Variants in CMTM8 observed in about 807,000 individuals in gnomAD.
The protein encoded by CMTM8 is CKLF like MARVEL transmembrane domain containing 8, also known as CKLF-like MARVEL transmembrane domain-containing protein 8.
In CMTM8, 12 loss-of-function variants were observed where a neutral mutation model predicts 18.6. The observed-to-expected ratio is 0.65, with a 90% CI of 0.41 to 1.05. The LOEUF is 1.05. Ranked by LOEUF, CMTM8 falls within the 50% of genes least tolerant of loss-of-function variation. The pLI, the probability that CMTM8 is intolerant of heterozygous loss-of-function variation, is 0.00. For synonymous variants in CMTM8, 87 were observed against 90.6 expected (o/e 0.96, Z 0.23); for missense variants, 217 against 227.2 (o/e 0.95, Z 0.29).
At chr3:32,262,529 C>T (rs1325793503) in intron 1 of CMTM8, among the ~76,000 whole-genome samples, 1 of 152,212 alleles carries the variant, frequency 6.6e-6, no homozygotes, top group Non-Finnish European at 1.5e-5. Flanking sequence ...GGAAGGCCAT[C>T]TGTGATTTGT....
rs140790714 is a variant in CMTM8, at chr3:32,367,417, T to A, written c.322-455T>A. Among the ~76,000 whole-genome samples the A allele has an allele frequency of 3.0e-3, 450 of 151,488 alleles. 9 individuals carry two copies. Among genetic ancestry groups the A allele is most frequent in the Admixed American group, 0.017 (261 of 15,214 alleles). ...ATCCCTCCCTGTTTGGAATGGGGGG[T>A]TAGGGAATCAGCTGGGCCTGTTTTG... On this transcript the variant is annotated intron_variant, in intron 2 of 3. Transcript: ENST00000307526.
chr3:32,282,814 G>A (rs1225897054), intron 1 of CMTM8, among the ~76,000 whole-genome samples: 1 of 152,102 alleles, frequency 6.6e-6, no homozygotes, highest in African/African-American at 2.4e-5. Flanking sequence ...TGGCCCCCTT[G>A]CTGCTTTTGT....
At chr3:32,306,517 T>C (rs1252014259) in intron 1 of CMTM8, among the ~76,000 whole-genome samples, 1 of 152,200 alleles carries the variant, frequency 6.6e-6, no homozygotes, top group African/African-American at 2.4e-5. Flanking sequence ...CTTTTGCCTA[T>C]TCACTCTTCC....
At chr3:32,289,989 G>A (rs1702752598) in intron 1 of CMTM8, among the ~76,000 whole-genome samples, 1 of 152,160 alleles carries the variant, frequency 6.6e-6, no homozygotes, top group Non-Finnish European at 1.5e-5. Flanking sequence ...AAATTAGCCA[G>A]GTGTAGTGGT....
At chr3:32,296,383 G>T (rs1208139973) in intron 1 of CMTM8, among the ~76,000 whole-genome samples, 1 of 152,304 alleles carries the variant, frequency 6.6e-6, no homozygotes, top group South Asian at 2.1e-4. Flanking sequence ...GTATGTATCT[G>T]CAATGAGTAC....
chr3:32,278,175 CA>C (rs1358526094), intron 1 of CMTM8, among the ~76,000 whole-genome samples: 2 of 152,184 alleles, frequency 1.3e-5, no homozygotes, highest in African/African-American at 4.8e-5. Context: ...CTTCAAGATC[CA>C]ACCTGGAAGT....
intron 1 of CMTM8, among the ~76,000 whole-genome samples, chr3:32,242,966 C>T (rs536514720): frequency 6.6e-6 from 1 of 151,942 alleles, no homozygotes; most frequent in South Asian, 2.1e-4. Flanking sequence ...AATCCCAGCT[C>T]ACTGCAACCT....
At chr3:32,326,169 C>T (rs1416185288) in intron 1 of CMTM8, among the ~76,000 whole-genome samples, 5 of 152,316 alleles carry the variant, frequency 3.3e-5, no homozygotes, top group Admixed American at 6.5e-5. Context: ...CCTGCTGACT[C>T]GTCACACTCG....
At chr3:32,284,991 G>A (rs113200933) in intron 1 of CMTM8, among the ~76,000 whole-genome samples, 99 of 152,292 alleles carry the variant, frequency 6.5e-4, no homozygotes, top group African/African-American at 2.4e-3. Context: ...TGCAGAGTCT[G>A]AGAGGCCCCA....
intron 1 of CMTM8, among the ~76,000 whole-genome samples, chr3:32,277,814 A>G (rs958416112): frequency 2.0e-5 from 3 of 152,144 alleles, no homozygotes; most frequent in Non-Finnish European, 4.4e-5. Context: ...AAATTGGACA[A>G]ATGCACAATA....
At chr3:32,345,525 A>G (rs1480098510) in intron 1 of CMTM8, among the ~76,000 whole-genome samples, 2 of 152,322 alleles carry the variant, frequency 1.3e-5, no homozygotes, top group East Asian at 3.9e-4. Context: ...TACTGTATTT[A>G]ATTTTGAAAA....
chr3:32,313,716 C>A (rs1410985600), intron 1 of CMTM8, among the ~76,000 whole-genome samples: 1 of 152,132 alleles, frequency 6.6e-6, no homozygotes, highest in East Asian at 1.9e-4. Flanking sequence ...CCGTGTTTAG[C>A]AAGTTACAGG....
At chr3:32,349,435 C>CT (rs1333330723) in intron 1 of CMTM8, among the ~76,000 whole-genome samples, 3 of 152,008 alleles carry the variant, frequency 2.0e-5, no homozygotes, top group Non-Finnish European at 2.9e-5. Flanking sequence ...ATACTGAATA[C>CT]TTAGTCATTT....
chr3:32,336,422 GAA>G (rs1271875775), intron 1 of CMTM8, among the ~76,000 whole-genome samples: 1 of 152,264 alleles, frequency 6.6e-6, no homozygotes, highest in Non-Finnish European at 1.5e-5. Context: ...CTCTGTAGCA[GAA>G]AAGAGTCCTT....
At chr3:32,332,146 G>A (rs1187373099) in intron 1 of CMTM8, among the ~76,000 whole-genome samples, 4 of 152,164 alleles carry the variant, frequency 2.6e-5, no homozygotes, top group African/African-American at 9.7e-5. Context: ...ATTTTGGATG[G>A]AAAAGTTGAA....
At position 32,369,826 on chromosome 3, in the gene CMTM8, C is replaced by A. The variant is rs558979836; in HGVS notation, c.439-58C>A. Reference sequence around the variant, plus strand: ...TGATTCAATGGAGGTGAAATGATAACTTTTGCTAATTAGGATGTGCCCTAA... The same window carrying A: ...TGATTCAATGGAGGTGAAATGATAAATTTTGCTAATTAGGATGTGCCCTAA... On this transcript the variant is annotated intron_variant, in intron 3 of 3. Coordinates refer to ENST00000307526, the MANE Select transcript of CMTM8 (RefSeq NM_178868.5). 4.1e-4 allele frequency: 469 copies of A among 1,141,548 alleles called. 3 individuals carry two copies. The South Asian group carries it at 6.1e-3, about 15-fold the overall frequency. 70.7% of individuals were successfully genotyped at this position (1,141,548 alleles called of 1,614,324 possible). A position where few individuals can be genotyped will look rare whatever the true frequency, so the allele number is the denominator to read the frequency against.
intron 1 of CMTM8, among the ~76,000 whole-genome samples, chr3:32,351,947 C>T (rs1480880918): frequency 6.6e-5 from 10 of 152,014 alleles, no homozygotes; most frequent in Admixed American, 4.6e-4. Context: ...GAGGATGAGG[C>T]GAGCAGATCA....
intron 1 of CMTM8, among the ~76,000 whole-genome samples, chr3:32,302,594 C>T (rs1695641789): frequency 6.6e-6 from 1 of 152,166 alleles, no homozygotes; most frequent in Non-Finnish European, 1.5e-5. Flanking sequence ...GAGAAGGAAT[C>T]AGAGGCCCTT....
At chr3:32,270,729 G>GGAGC (rs1236868088) in intron 1 of CMTM8, among the ~76,000 whole-genome samples, 5 of 152,146 alleles carry the variant, frequency 3.3e-5, no homozygotes, top group African/African-American at 1.2e-4. Flanking sequence ...GTGGGGTGGG[G>GGAGC]GGAGCGGGGA....
Sources: gnomAD v4.1 joint callset for allele counts (sites outside exome capture counted in the v4.1 genomes callset) on GRCh38, gnomAD v4.1.1 for gene constraint, MANE v1.5 for transcripts, NCBI Gene and HGNC (gene_info 2026-07-23, HGNC 2026-07-21) for gene names.